Variants in TAFA1 observed in about 807,000 individuals in gnomAD.
The protein encoded by TAFA1 is chemokine-like protein TAFA-1.
Under a neutral mutation model 18.5 loss-of-function variants are expected in TAFA1, and 4 were observed. The ratio of observed to expected loss-of-function variants is 0.22; its 90% confidence interval spans 0.11 to 0.49. TAFA1 has a LOEUF of 0.49. Ranked by LOEUF, TAFA1 falls within the 20% of genes least tolerant of loss-of-function variation. The pLI is 0.98. For missense variants in TAFA1, 147 were observed against 169.0 expected (o/e 0.87, Z 0.72); for synonymous variants, 56 against 55.2 (o/e 1.01, Z -0.06).
In TAFA1 at chr3:68,534,067, G is replaced by T. The variant is rs192916052; in HGVS notation, c.260-4689G>T. Among the ~76,000 whole-genome samples the T allele has an allele frequency of 5.3e-5, 8 of 152,208 alleles. No individual in the cohort carries two copies. The East Asian group carries it at 1.5e-3, about 29-fold the overall frequency. On this transcript the variant is annotated intron_variant, in intron 3 of 4. Coordinates refer to ENST00000478136, the MANE Select transcript of TAFA1 (RefSeq NM_213609.4). Reference sequence around the variant, plus strand: ...ATACTTTGAGATGGTTGTTCAGAGGGCTTATAAACAGAAGTAGCCCCCAAA... The same window carrying T: ...ATACTTTGAGATGGTTGTTCAGAGGTCTTATAAACAGAAGTAGCCCCCAAA...
At chr3:68,457,563 C>T (rs1283861868) in intron 3 of TAFA1, among the ~76,000 whole-genome samples, 1 of 152,034 alleles carries the variant, frequency 6.6e-6, no homozygotes, top group Non-Finnish European at 1.5e-5. Context: ...TCAACTACAA[C>T]ATGTTGTTTT....
At chr3:68,083,874 G>C (rs1011160244) in intron 2 of TAFA1, among the ~76,000 whole-genome samples, 2 of 151,798 alleles carry the variant, frequency 1.3e-5, no homozygotes, top group Non-Finnish European at 2.9e-5. Context: ...CACATATCTT[G>C]TTAGTGTCCC....
chr3:68,232,157 C>A (rs1293035376), intron 2 of TAFA1, among the ~76,000 whole-genome samples: 1 of 152,182 alleles, frequency 6.6e-6, no homozygotes, highest in Admixed American at 6.5e-5. Flanking sequence ...GGACACTGAA[C>A]TTATTCCTCC....
intron 3 of TAFA1, among the ~76,000 whole-genome samples, chr3:68,461,279 C>T (rs189329213): frequency 0.11 from 13,519 of 127,774 alleles, 826 homozygotes; most frequent in Middle Eastern, 0.19. Flanking sequence ...GAGACTCTGC[C>T]AAAAAACAAA....
Position 68,521,506 on chromosome 3 carries a change from A to C in TAFA1, c.260-17250A>C, listed in dbSNP as rs560725449. Among the ~76,000 whole-genome samples, 149 of 152,306 alleles carry C rather than the reference A, an allele frequency of 9.8e-4. 2 individuals carry two copies. The highest frequency in any genetic ancestry group is 1.5e-3 in the Non-Finnish European group (103 of 68,034). ...GAAGCGTACAGCTTAGTGGAGAGAT[A>C]GATGAGGAAACATTTAAAATACGTG... On this transcript the variant is annotated intron_variant, in intron 3 of 4. Coordinates refer to ENST00000478136, the MANE Select transcript of TAFA1 (RefSeq NM_213609.4).
chr3:68,113,897 GTT>G (rs35158174), intron 2 of TAFA1, among the ~76,000 whole-genome samples: 29 of 18,096 alleles, frequency 1.6e-3, no homozygotes, highest in Admixed American at 0.013. Context: ...AGTTTTTTTT[GTT>G]TTTTTTTTTT....
chr3:68,307,976 C>T (rs1168344069), intron 2 of TAFA1, among the ~76,000 whole-genome samples: 1 of 152,012 alleles, frequency 6.6e-6, no homozygotes, highest in Non-Finnish European at 1.5e-5. Flanking sequence ...ATTTTTAAGA[C>T]AAAAATGCTC....
chr3:68,137,881 C>T (rs2065626124), intron 2 of TAFA1, among the ~76,000 whole-genome samples: 2 of 152,066 alleles, frequency 1.3e-5, no homozygotes, highest in South Asian at 2.1e-4. Context: ...ATGTCCAAAT[C>T]CATGCCTTGC....
intron 2 of TAFA1, among the ~76,000 whole-genome samples, chr3:68,188,842 G>T (rs4575905): frequency 0.95 from 145,035 of 151,918 alleles, 69,264 homozygotes; most frequent in Admixed American, 0.97. Flanking sequence ...AATAGTGGGG[G>T]TTTTTTGTTG....
At chr3:68,214,849 T>A (rs1219189039) in intron 2 of TAFA1, among the ~76,000 whole-genome samples, 1 of 151,994 alleles carries the variant, frequency 6.6e-6, no homozygotes, top group African/African-American at 2.4e-5. Context: ...ATAATACACA[T>A]CAATTTTTTT....
intron 3 of TAFA1, among the ~76,000 whole-genome samples, chr3:68,493,364 T>G (rs1479246471): frequency 6.6e-6 from 1 of 152,232 alleles, no homozygotes; most frequent in African/African-American, 2.4e-5. Flanking sequence ...ATATATACAC[T>G]ACATTTTGTT....
intron 2 of TAFA1, among the ~76,000 whole-genome samples, chr3:68,340,817 C>T (rs891730781): frequency 1.3e-5 from 2 of 152,088 alleles, no homozygotes; most frequent in East Asian, 3.9e-4. Flanking sequence ...TTTTAAGTTA[C>T]AATTTAATGA....
At chr3:68,176,531 A>T (rs1048180133) in intron 2 of TAFA1, among the ~76,000 whole-genome samples, 14 of 152,192 alleles carry the variant, frequency 9.2e-5, no homozygotes, top group Non-Finnish European at 1.8e-4. Context: ...AATTTTGATG[A>T]AGCTTTTTAA....
At chr3:68,183,077 T>C (rs573144795) in intron 2 of TAFA1, among the ~76,000 whole-genome samples, 3 of 152,274 alleles carry the variant, frequency 2.0e-5, no homozygotes, top group Admixed American at 6.5e-5. Flanking sequence ...CTGAGCAGTA[T>C]GTGTGTAGTT....
chr3:68,332,795 G>C (rs2068904790), intron 2 of TAFA1, among the ~76,000 whole-genome samples: 2 of 152,146 alleles, frequency 1.3e-5, no homozygotes, highest in Non-Finnish European at 2.9e-5. Flanking sequence ...AGAAACTCTT[G>C]AACACTGTAG....
intron 2 of TAFA1, among the ~76,000 whole-genome samples, chr3:68,279,293 C>A (rs528216345): frequency 6.6e-6 from 1 of 152,120 alleles, no homozygotes; most frequent in Non-Finnish European, 1.5e-5. Flanking sequence ...GTCCAGGAAT[C>A]TATTCTTTAT....
chr3:68,334,303 C>G (rs1447513087), intron 2 of TAFA1, among the ~76,000 whole-genome samples: 2 of 152,128 alleles, frequency 1.3e-5, no homozygotes. Context: ...GAACAGAGAA[C>G]ATTCATTCTA....
chr3:68,239,069 A>G (rs1436133309), intron 2 of TAFA1, among the ~76,000 whole-genome samples: 1 of 152,166 alleles, frequency 6.6e-6, no homozygotes, highest in Non-Finnish European at 1.5e-5. Flanking sequence ...TTTACTGGAG[A>G]GTAATTTTGA....
intron 2 of TAFA1, among the ~76,000 whole-genome samples, chr3:68,105,538 A>G (rs574493799): frequency 2.6e-5 from 4 of 152,308 alleles, no homozygotes; most frequent in African/African-American, 9.6e-5. Flanking sequence ...ATAAAGCAAA[A>G]GAGATGAAAA....
Sources: allele counts gnomAD v4.1 joint callset (sites outside exome capture counted in the v4.1 genomes callset), GRCh38; gene constraint gnomAD v4.1.1; transcripts MANE v1.5; gene names NCBI Gene and HGNC (gene_info 2026-07-23, HGNC 2026-07-21).